Variants in HTR2A observed in about 807,000 individuals in gnomAD.
The protein encoded by HTR2A is 5-HT2 receptor.
HTR2A carries 14 observed loss-of-function variants against 31.0 expected under a neutral mutation model. The observed-to-expected ratio is 0.45, with a 90% confidence interval of 0.30 to 0.71. HTR2A has a LOEUF of 0.71. Among genes scored for constraint, HTR2A ranks in the 30% least tolerant of loss-of-function variants. The pLI is 0.09. For missense variants in HTR2A, 442 were observed against 573.3 expected (o/e 0.77, Z 2.34); for synonymous variants, 209 against 225.2 (o/e 0.93, Z 0.64).
In HTR2A at chr13:46,895,715, C is replaced by T. The variant is rs759709806; in HGVS notation, c.192G>A (p.Ser64=). 16 of 1,613,918 alleles carry T rather than the reference C, an allele frequency of 9.9e-6. No homozygotes were observed. The highest frequency in any genetic ancestry group is 2.7e-5 in the African/African-American group (2 of 74,858). ...CCTGGAGATGAAGTAAGGAGAGACA[C>T]GACGGTGAGAGGCACCCTTCACAGG... ...NLSCEGCLSP[S]CLSLLHLQEK... is the part of the protein sequence containing the mutation. Residue 64 remains serine, a synonymous_variant, in exon 2 of 4, where the codon TCG becomes TCA. Coordinates refer to ENST00000542664, the MANE Select transcript of HTR2A (RefSeq NM_000621.5). The surrounding 1 kb of genome is among the most constrained non-coding windows in gnomAD (Gnocchi z 4.4).
chr13:46,834,728 T>C lies in HTR2A; in HGVS notation c.*109A>G, dbSNP rs927402319. 6 of 789,566 alleles carry C rather than the reference T, an allele frequency of 7.6e-6. No homozygotes were observed. In the Admixed American group the frequency reaches 8.1e-5, roughly 11 times the overall value. 48.9% of individuals were successfully genotyped at this position (789,566 alleles called of 1,614,324 possible). A position where few individuals can be genotyped will look rare whatever the true frequency, so the allele number is the denominator to read the frequency against. On this transcript the variant is annotated 3_prime_UTR_variant, in exon 4 of 4. Coordinates refer to ENST00000542664, the MANE Select transcript of HTR2A (RefSeq NM_000621.5). Reference sequence around the variant, plus strand: ...AAAATGAGGCATACAGATATGATCGTTGGTTCCACTAGACTTGTCTAATTT... The same window carrying C: ...AAAATGAGGCATACAGATATGATCGCTGGTTCCACTAGACTTGTCTAATTT...
chr13:46,878,140 G>A (rs1950929664), intron 3 of HTR2A, among the ~76,000 whole-genome samples: 1 of 152,182 alleles, frequency 6.6e-6, no homozygotes, highest in South Asian at 2.1e-4. Flanking sequence ...CACTTCAGTG[G>A]CAAGGTAGAG....
intron 3 of HTR2A, among the ~76,000 whole-genome samples, chr13:46,875,453 G>T: frequency 6.6e-6 from 1 of 152,080 alleles, no homozygotes; most frequent in East Asian, 1.9e-4. Context: ...TCTCACCATA[G>T]CTAATGGTTC....
chr13:46,847,748 G>A (rs1201616313), intron 3 of HTR2A, among the ~76,000 whole-genome samples: 1 of 152,124 alleles, frequency 6.6e-6, no homozygotes, highest in Admixed American at 6.5e-5. Flanking sequence ...ACAACTTTTT[G>A]TTTTGGGTCC....
chr13:46,835,249 A>G lies in HTR2A; in HGVS notation c.1004T>C (p.Met335Thr). Residue 335 changes from methionine (M) to threonine (T), a missense_variant, in exon 4 of 4, where the codon ATG (methionine) becomes ACG (threonine). Coordinates refer to ENST00000542664, the MANE Select transcript of HTR2A (RefSeq NM_000621.5). Reference sequence around the variant, plus strand: ...GTTTGTGATGAAGAAAGGGCACCACATCACCACAAACAGGAAGAAGACGAT... The same window carrying G: ...GTTTGTGATGAAGAAAGGGCACCACGTCACCACAAACAGGAAGAAGACGAT... ...LGIVFFLFVV[M>T]WCPFFITNIM... is the part of the protein sequence containing the mutation. 1 of 1,614,144 alleles carries G rather than the reference A, an allele frequency of 6.2e-7. No homozygotes were observed. Among genetic ancestry groups the G allele is most frequent in the Non-Finnish European group, 8.5e-7 (1 of 1,180,010 alleles).
At chr13:46,897,429 T>A (rs938493314), upstream of HTR2A, among the ~76,000 whole-genome samples, 8 of 152,186 alleles carry the variant, frequency 5.3e-5, no homozygotes, top group Non-Finnish European at 1.0e-4. Flanking sequence ...GCTAGGCACG[T>A]CTGTGGTGAT....
chr13:46,844,325 G>A (rs1004412332), intron 3 of HTR2A, among the ~76,000 whole-genome samples: 1 of 152,178 alleles, frequency 6.6e-6, no homozygotes, highest in Admixed American at 6.5e-5. Flanking sequence ...TATAGACACA[G>A]CTTGAAGTTA....
chr13:46,892,966 G>T (rs183347041), intron 2 of HTR2A, among the ~76,000 whole-genome samples: 1 of 152,264 alleles, frequency 6.6e-6, no homozygotes, highest in Non-Finnish European at 1.5e-5. Context: ...ACACTGTACT[G>T]TCAGGATTTA....
Position 46,832,076 on chromosome 13 carries a change from C to G in HTR2A, c.*2761G>C, listed in dbSNP as rs1483523586. The G allele has an allele frequency of 3.3e-5, 5 of 152,208 alleles. No individual in the cohort carries two copies. Among genetic ancestry groups the G allele is most frequent in the Non-Finnish European group, 5.9e-5 (4 of 68,022 alleles). 9.4% of individuals were successfully genotyped at this position (152,208 alleles called of 1,614,324 possible). The stretch of plus-strand genomic sequence containing the variant: ...CCAAAGGTACCATTTTATTTAGGAT[C>G]AAGAAACTATATATGTGGACCATTG... On this transcript the variant is annotated 3_prime_UTR_variant, in exon 4 of 4. Coordinates refer to ENST00000542664, the MANE Select transcript of HTR2A (RefSeq NM_000621.5).
chr13:46,868,753 ACTATATT>A (rs1041614162), intron 3 of HTR2A, among the ~76,000 whole-genome samples: 13 of 152,136 alleles, frequency 8.5e-5, no homozygotes, highest in Admixed American at 3.3e-4. Flanking sequence ...TGCTCTATAA[ACTATATT>A]CTATATTCAC....
intron 3 of HTR2A, among the ~76,000 whole-genome samples, chr13:46,873,132 T>C (rs1205833765): frequency 1.3e-5 from 2 of 151,022 alleles, no homozygotes; most frequent in Non-Finnish European, 2.9e-5. Flanking sequence ...GAGTGATTAT[T>C]TTTGCATCTA....
intron 3 of HTR2A, among the ~76,000 whole-genome samples, chr13:46,853,036 C>T (rs1047151091): frequency 4.6e-5 from 7 of 151,366 alleles, no homozygotes; most frequent in Non-Finnish European, 1.0e-4. Flanking sequence ...TAATATAGTG[C>T]ATTATTCTGA....
chr13:46,887,091 A>G (rs1951011820), intron 3 of HTR2A, among the ~76,000 whole-genome samples: 1 of 152,040 alleles, frequency 6.6e-6, no homozygotes, highest in South Asian at 2.1e-4. Context: ...AAACACCCAA[A>G]CATTTTATTT....
intron 3 of HTR2A, among the ~76,000 whole-genome samples, chr13:46,855,248 C>T (rs980244710): frequency 6.6e-6 from 1 of 152,140 alleles, no homozygotes; most frequent in Admixed American, 6.5e-5. Context: ...CAGTACACCC[C>T]CTTTTCTCTC....
chr13:46,861,505 A>G (rs1950778249), intron 3 of HTR2A, among the ~76,000 whole-genome samples: 1 of 152,198 alleles, frequency 6.6e-6, no homozygotes, highest in South Asian at 2.1e-4. Context: ...TTTGGGAGAC[A>G]TTGGAAAGGC....
At chr13:46,872,343 G>A (rs908159866) in intron 3 of HTR2A, among the ~76,000 whole-genome samples, 2 of 152,136 alleles carry the variant, frequency 1.3e-5, no homozygotes, top group African/African-American at 4.8e-5. Context: ...TGACCACTCT[G>A]TATATTACAA....
intron 3 of HTR2A, among the ~76,000 whole-genome samples, chr13:46,855,088 A>G (rs1053080327): frequency 1.3e-5 from 2 of 152,336 alleles, no homozygotes; most frequent in East Asian, 1.9e-4. Flanking sequence ...AGAAGAGGCC[A>G]TGGAACAGCC....
rs1951084746 is a variant in HTR2A, at chr13:46,894,458, G to T, written c.412+1037C>A. ...GTGGCATTTAAATGGTCAAGTGAAG[G>T]CTGGACTTGGAATGAGTGTTACTAG... On this transcript the variant is annotated intron_variant, in intron 2 of 3. Coordinates refer to ENST00000542664, the MANE Select transcript of HTR2A (RefSeq NM_000621.5). Among the ~76,000 whole-genome samples, 3 of 152,364 alleles carry T rather than the reference G, an allele frequency of 2.0e-5. No individual in the cohort carries two copies. In the South Asian group the frequency reaches 6.2e-4, roughly 32 times the overall value.
rs1471061262 is a variant in HTR2A at position 46,896,857 on chromosome 13, A to C, written c.-512T>G. ...ATGCAAGAGCTGAGCCAGCTCCCGC[A>C]CTGCTAGGATCCTGTTGGCTTCCTC... On this transcript the variant is annotated 5_prime_UTR_variant, in exon 1 of 4. Coordinates refer to ENST00000542664, the MANE Select transcript of HTR2A (RefSeq NM_000621.5). 2.6e-6 allele frequency: 4 copies of C among 1,535,634 alleles called. No homozygotes were observed. The highest frequency in any genetic ancestry group is 2.6e-6 in the Non-Finnish European group (3 of 1,146,208).
Sources: gnomAD v4.1 joint callset for allele counts (sites outside exome capture counted in the v4.1 genomes callset) on GRCh38, gnomAD v4.1.1 for gene constraint, Gnocchi (gnomAD v3.1) non-coding constraint, MANE v1.5 for transcripts, NCBI Gene and HGNC (gene_info 2026-07-23, HGNC 2026-07-21) for gene names.